The following NRXN3 variants were observed in gnomAD, a reference collection of about 807,000 sequenced individuals.
NRXN3 encodes the protein neurexin III.
A neutral mutation model predicts 137.6 loss-of-function variants in NRXN3; 32 were observed. The observed-to-expected ratio is 0.23, with a 90% CI of 0.18 to 0.31. The LOEUF (loss-of-function observed/expected upper bound fraction) is 0.31, where lower values mean the gene tolerates loss of function less well. Among genes scored for constraint, NRXN3 ranks in the 10% least tolerant of loss-of-function variants. NRXN3 has a pLI of 1.00. For synonymous variants in NRXN3, 798 were observed against 784.5 expected, an observed-to-expected ratio of 1.02 and a Z score of -0.29; for missense variants, 1,574 against 2,062.5, an observed-to-expected ratio of 0.76 and a Z score of 4.59.
intron 10 of NRXN3, among the ~76,000 whole-genome samples, chr14:78,874,542 A>G (rs943871979): frequency 1.3e-5 from 2 of 152,164 alleles, no homozygotes; most frequent in Non-Finnish European, 2.9e-5. Context: ...AGCCATCACT[A>G]CAGATGTATC....
At chr14:78,233,440 A>T (rs1038404955) in intron 1 of NRXN3, among the ~76,000 whole-genome samples, 2 of 152,092 alleles carry the variant, frequency 1.3e-5, no homozygotes, top group Admixed American at 6.5e-5. Context: ...GCCCTGAGTC[A>T]TCTTGTTCCT....
intron 10 of NRXN3, among the ~76,000 whole-genome samples, chr14:78,848,868 A>C (rs2152476161): frequency 6.6e-6 from 1 of 152,186 alleles, no homozygotes; most frequent in Middle Eastern, 3.4e-3. Flanking sequence ...AATTTACCCC[A>C]AGCCATGAAG....
intron 15 of NRXN3, among the ~76,000 whole-genome samples, chr14:79,374,088 T>C (rs190559737): frequency 2.7e-4 from 41 of 152,326 alleles, no homozygotes; most frequent in Admixed American, 7.2e-4. Flanking sequence ...ATAAGTTTGA[T>C]TTCATTCTAA....
chr14:78,255,144 C>T (rs890769849), intron 2 of NRXN3, among the ~76,000 whole-genome samples: 5 of 138,550 alleles, frequency 3.6e-5, no homozygotes, highest in African/African-American at 1.4e-4. Context: ...TCCCCATTGA[C>T]AGTCATTTAC....
chr14:78,822,664 G>A (rs1473705523), intron 10 of NRXN3, among the ~76,000 whole-genome samples: 2 of 144,584 alleles, frequency 1.4e-5, no homozygotes, highest in African/African-American at 5.1e-5. Context: ...AACAGAGCAA[G>A]ATTCTATCTC....
At chr14:79,613,830 G>A (rs1332715730) in intron 16 of NRXN3, among the ~76,000 whole-genome samples, 1 of 152,196 alleles carries the variant, frequency 6.6e-6, no homozygotes, top group African/African-American at 2.4e-5. Context: ...AGCTTAGCAG[G>A]AAACACACTA....
chr14:79,097,776 T>G (rs1187513826), intron 15 of NRXN3, among the ~76,000 whole-genome samples: 1 of 152,238 alleles, frequency 6.6e-6, no homozygotes, highest in African/African-American at 2.4e-5. Flanking sequence ...AGTATTCCCC[T>G]GCAACTCAGT....
At chr14:78,225,966 TG>T (rs1174311504) in intron 1 of NRXN3, among the ~76,000 whole-genome samples, 2 of 128,662 alleles carry the variant, frequency 1.6e-5, no homozygotes, top group African/African-American at 3.4e-5. Context: ...TGTGTGTGTG[TG>T]TGTGTTGGTG....
chr14:78,633,267 A>AAAAAAAAAAAAAAAAAAG (rs1376443966), intron 4 of NRXN3, among the ~76,000 whole-genome samples: 1 of 150,084 alleles, frequency 6.7e-6, no homozygotes, highest in African/African-American at 2.5e-5. Context: ...AAAAAAAAAA[A>AAAAAAAAAAAAAAAAAAG]AGAGACTGGT....
intron 15 of NRXN3, among the ~76,000 whole-genome samples, chr14:79,350,150 A>G (rs955119386): frequency 1.3e-5 from 2 of 152,250 alleles, no homozygotes; most frequent in African/African-American, 2.4e-5. Context: ...CAGAATGTGG[A>G]ATCCAAAGAA....
rs376327842 is a variant in NRXN3 at position 78,595,967 on chromosome 14, C to A, written c.758-49153C>A. On this transcript the variant is annotated intron_variant, in intron 4 of 20. Transcript: ENST00000335750. ...CATAGCTGCAGACGTTTTTCCTTGT[C>A]ACACTGGGGATGGGTGGGGAGCGCT... Among the ~76,000 whole-genome samples the A allele has an allele frequency of 1.4e-4, 21 of 152,272 alleles. No homozygotes were observed. The East Asian group carries it at 3.9e-3, about 28-fold the overall frequency.
intron 15 of NRXN3, among the ~76,000 whole-genome samples, chr14:79,424,310 AAAAG>A (rs772576481): frequency 2.6e-5 from 4 of 152,228 alleles, no homozygotes; most frequent in Non-Finnish European, 5.9e-5. Context: ...ACAAAGAGCT[AAAAG>A]GCTCTATGTA....
chr14:79,434,497 C>T (rs937560536), intron 15 of NRXN3, among the ~76,000 whole-genome samples: 6 of 152,170 alleles, frequency 3.9e-5, no homozygotes, highest in African/African-American at 9.7e-5. Flanking sequence ...GGCCCATGGC[C>T]GGAAATGCTA....
chr14:78,811,061 T>C (rs1027576419), intron 10 of NRXN3, among the ~76,000 whole-genome samples: 1 of 152,040 alleles, frequency 6.6e-6, no homozygotes, highest in Non-Finnish European at 1.5e-5. Context: ...AATATGAAGA[T>C]AAATAGGAAG....
At chr14:78,385,936 C>T (rs1195268137) in intron 4 of NRXN3, among the ~76,000 whole-genome samples, 1 of 152,062 alleles carries the variant, frequency 6.6e-6, no homozygotes, top group Non-Finnish European at 1.5e-5. Context: ...CCCTTTGACT[C>T]CTGTGAAAAT....
chr14:79,287,765 A>G (rs1226737225), intron 15 of NRXN3, among the ~76,000 whole-genome samples: 1 of 152,204 alleles, frequency 6.6e-6, no homozygotes, highest in Non-Finnish European at 1.5e-5. Context: ...TGTAACTTTG[A>G]ATTATAACAT....
intron 15 of NRXN3, among the ~76,000 whole-genome samples, chr14:79,112,035 C>T (rs920980963): frequency 1.3e-5 from 2 of 152,182 alleles, no homozygotes; most frequent in African/African-American, 4.8e-5. Context: ...TAAGCAATAT[C>T]CACAAAACCT....
At chr14:79,519,764 A>ATTTC (rs2097042100) in intron 16 of NRXN3, among the ~76,000 whole-genome samples, 1 of 104,374 alleles carries the variant, frequency 9.6e-6, no homozygotes, top group Admixed American at 8.9e-5. Context: ...GTACAATAGT[A>ATTTC]TTTCTTTTTT....
At chr14:78,310,992 A>G (rs1204411085) in intron 4 of NRXN3, among the ~76,000 whole-genome samples, 1 of 152,176 alleles carries the variant, frequency 6.6e-6, no homozygotes, top group Non-Finnish European at 1.5e-5. Flanking sequence ...TTTTGTCAAT[A>G]TCAGCATCAC....
Sources: gnomAD v4.1 joint callset for allele counts (sites outside exome capture counted in the v4.1 genomes callset) on GRCh38, gnomAD v4.1.1 for gene constraint, MANE v1.5 for transcripts, NCBI Gene and HGNC (gene_info 2026-07-23, HGNC 2026-07-21) for gene names.